ELAVL1: variants seen among roughly 807,000 people sequenced by gnomAD.
The protein encoded by ELAVL1 is ELAV like RNA binding protein 1.
ELAVL1 carries 1 observed loss-of-function variant against 28.4 expected under a neutral mutation model. The observed-to-expected ratio is 0.04, with a 90% CI of 0.01 to 0.17. The LOEUF is 0.17. ELAVL1 is among the 10% of genes least tolerant of loss of function. The pLI, the probability that ELAVL1 is intolerant of heterozygous loss-of-function variation, is 1.00. For missense variants in ELAVL1, 157 were observed against 447.2 expected, an observed-to-expected ratio of 0.35 and a Z score of 5.85; for synonymous variants, 174 against 183.5, an observed-to-expected ratio of 0.95 and a Z score of 0.42.
chr19:7,993,229 A>G (rs564534477), intron 1 of ELAVL1, among the ~76,000 whole-genome samples: 1 of 152,330 alleles, frequency 6.6e-6, no homozygotes, highest in East Asian at 1.9e-4. Flanking sequence ...CTTCGGAGAG[A>G]CCTACAAACA....
At chr19:7,992,933 G>A (rs1168788968) in intron 1 of ELAVL1, among the ~76,000 whole-genome samples, 2 of 152,110 alleles carry the variant, frequency 1.3e-5, no homozygotes, top group Admixed American at 6.5e-5. Flanking sequence ...GTGCCACCAC[G>A]CCCGGCTGAT....
At chr19:7,991,598 G>C (rs989336567) in intron 2 of ELAVL1, 46 bp downstream of exon 2, 65 of 1,569,734 alleles carry the variant, frequency 4.1e-5, no homozygotes, top group Non-Finnish European at 5.0e-5. Flanking sequence ...GTGCCCAAAG[G>C]ATGGCCACCA....
chr19:7,974,966 C>A (rs563404107), intron 3 of ELAVL1, among the ~76,000 whole-genome samples: 1 of 152,128 alleles, frequency 6.6e-6, no homozygotes, highest in African/African-American at 2.4e-5. Flanking sequence ...GACAGCCCCA[C>A]GAGGAGAGGA....
In ELAVL1 at chr19:7,963,424, A is replaced by AAAGTTTC; in HGVS notation, c.*52_*58dup. ...CAAAATGAGTTGTACACTAACAAGAAAAGTTTCAACTCCTTCACTCTTAAT... is the reference window on the plus strand; with the variant it reads ...CAAAATGAGTTGTACACTAACAAGAAAAGTTTCAAGTTTCAACTCCTTCACTCTTAAT... On this transcript the variant is annotated 3_prime_UTR_variant, in exon 6 of 6. Transcript: ENST00000407627. This position sits in a 1 kb window ranked among gnomAD's most constrained non-coding sequence, Gnocchi z 4.5. 2 of 1,537,260 alleles carry AAAGTTTC rather than the reference A, an allele frequency of 1.3e-6. No homozygotes were observed. Among genetic ancestry groups the AAAGTTTC allele is most frequent in the Non-Finnish European group, 1.8e-6 (2 of 1,140,710 alleles).
intron 1 of ELAVL1, among the ~76,000 whole-genome samples, chr19:7,995,133 T>C (rs561399229): frequency 1.3e-5 from 2 of 152,304 alleles, no homozygotes; most frequent in East Asian, 3.9e-4. Flanking sequence ...ACACCATCTG[T>C]GGCCACGAGA....
intron 4 of ELAVL1, among the ~76,000 whole-genome samples, chr19:7,968,063 A>G (rs1322258075): frequency 6.6e-6 from 1 of 152,212 alleles, no homozygotes; most frequent in Admixed American, 6.5e-5. Context: ...CATCCCCAAT[A>G]GACACCCAGG....
chr19:7,963,902 C>CTGA lies in ELAVL1; in HGVS notation c.657-96_657-95insTCA. On this transcript the variant is annotated intron_variant, in intron 5 of 5. Transcript: ENST00000407627. This position sits in a 1 kb window ranked among gnomAD's most constrained non-coding sequence, Gnocchi z 4.5. Reference sequence around the variant, plus strand: ...CGCATGCTGACCATGGCCGCTGGGCCCCATCCCGCTCTGCGCAGCCACGAG... The same window carrying CTGA: ...CGCATGCTGACCATGGCCGCTGGGCCTGACCATCCCGCTCTGCGCAGCCACGAG... 1 of 1,387,418 alleles carries CTGA rather than the reference C, an allele frequency of 7.2e-7. No individual in the cohort carries two copies. Among genetic ancestry groups the CTGA allele is most frequent in the African/African-American group, 1.4e-5 (1 of 69,332 alleles). The allele number at this position is 1,387,418 out of a possible 1,614,324, so 85.9% of individuals were successfully genotyped here. A position where few individuals can be genotyped will look rare whatever the true frequency, so the allele number is the denominator to read the frequency against.
intron 5 of ELAVL1, among the ~76,000 whole-genome samples, chr19:7,966,100 G>A (rs1984949640): frequency 6.6e-6 from 1 of 152,136 alleles, no homozygotes; most frequent in African/African-American, 2.4e-5. Flanking sequence ...GGGAGGCTGA[G>A]GTAGGAGGAT....
chr19:7,967,777 C>T lies in ELAVL1; in HGVS notation c.444G>A (p.Gly148=). The change falls in exon 5 of 6, where the codon GGG becomes GGA. Residue 148 remains glycine (G), a synonymous_variant. Transcript: ENST00000407627. ...LVDQTTGLSR[G]VAFIRFDKRS... is the part of the protein sequence containing the mutation. ...GTTTGTCAAACCGGATAAACGCAAC[C>T]CCTCTGGACAAACCTTTTCAACAAA... 6.2e-7 allele frequency: 1 copy of T among 1,613,588 alleles called. No homozygotes were observed. The highest frequency in any genetic ancestry group is 8.5e-7 in the Non-Finnish European group (1 of 1,179,624).
Position 7,967,887 on chromosome 19 carries a change from C to T in ELAVL1, c.431-97G>A, listed in dbSNP as rs1448509952. 2.2e-6 allele frequency: 3 copies of T among 1,337,526 alleles called. No homozygotes were observed. The African/African-American group carries it at 4.4e-5, about 20-fold the overall frequency. 82.9% of individuals were successfully genotyped at this position (1,337,526 alleles called of 1,614,324 possible). A position where few individuals can be genotyped will look rare whatever the true frequency, so the allele number is the denominator to read the frequency against. ...TCAGGTCAGTCTACTGTGGGCCAGG[C>T]TAGAAGTCTGGTTAAGGAAATAAAC... On this transcript the variant is annotated intron_variant, in intron 4 of 5. Coordinates refer to ENST00000407627, the MANE Select transcript of ELAVL1 (RefSeq NM_001419.3).
At chr19:7,993,393 G>A (rs1359306060) in intron 1 of ELAVL1, among the ~76,000 whole-genome samples, 1 of 152,224 alleles carries the variant, frequency 6.6e-6, no homozygotes, top group African/African-American at 2.4e-5. Flanking sequence ...GGGGCAGGTA[G>A]GCAATGGTCC....
chr19:7,998,384 G>A (rs2081056401), intron 1 of ELAVL1, among the ~76,000 whole-genome samples: 1 of 152,186 alleles, frequency 6.6e-6, no homozygotes, highest in Non-Finnish European at 1.5e-5. Context: ...CACCCATTGA[G>A]GCTCGGCGGT....
rs1380562941 is a variant in ELAVL1 at position 7,960,392 on chromosome 19, C to G, written c.*3091G>C. ...CCTGCGGGCGGGCCCCCGAGGAAGC[C>G]CATGAATTTCAGGATATTCACGCAG... On this transcript the variant is annotated 3_prime_UTR_variant, in exon 6 of 6. Transcript: ENST00000407627. 1 of 152,222 alleles carries G rather than the reference C, an allele frequency of 6.6e-6. No homozygotes were observed. The highest frequency in any genetic ancestry group is 1.5e-5 in the Non-Finnish European group (1 of 68,032). 9.4% of individuals were successfully genotyped at this position (152,222 alleles called of 1,614,324 possible).
intron 2 of ELAVL1, among the ~76,000 whole-genome samples, chr19:7,987,413 G>A (rs1378802038): frequency 1.3e-5 from 2 of 152,194 alleles, no homozygotes; most frequent in Non-Finnish European, 2.9e-5. Context: ...CAGGAAGGCA[G>A]CGGGCAGGAC....
At chr19:7,977,884 T>G (rs1985346932) in intron 3 of ELAVL1, among the ~76,000 whole-genome samples, 1 of 152,260 alleles carries the variant, frequency 6.6e-6, no homozygotes, top group African/African-American at 2.4e-5. Context: ...GCCTGGCCAC[T>G]GGGTCTCCTC....
At chr19:7,985,069 G>A (rs1250202755) in intron 2 of ELAVL1, among the ~76,000 whole-genome samples, 5 of 152,178 alleles carry the variant, frequency 3.3e-5, no homozygotes, top group East Asian at 1.9e-4. Flanking sequence ...AGAGGGGCAC[G>A]CCACCATGCC....
chr19:7,965,117 G>T (rs771707321), intron 5 of ELAVL1, among the ~76,000 whole-genome samples: 83 of 152,348 alleles, frequency 5.4e-4, no homozygotes, highest in Middle Eastern at 3.4e-3. Context: ...TTGAGAGAGG[G>T]TCTCACTATG....
chr19:7,997,585 T>A (rs1248050428), intron 1 of ELAVL1, among the ~76,000 whole-genome samples: 1 of 152,070 alleles, frequency 6.6e-6, no homozygotes, highest in Non-Finnish European at 1.5e-5. Flanking sequence ...CAAACAACTT[T>A]ATCCGTTTGT....
rs1050262049 is a variant in ELAVL1 at position 7,979,959 on chromosome 19, G to A, written c.276+1124C>T. ...CCAGGCCCACCCTGCAGTGACTCAG[G>A]AGGCCCCCCTGTGACCATGGAATCT... On this transcript the variant is annotated intron_variant, in intron 3 of 5. Coordinates refer to ENST00000407627, the MANE Select transcript of ELAVL1 (RefSeq NM_001419.3). This position sits in a 1 kb window ranked among gnomAD's most constrained non-coding sequence, Gnocchi z 5.4. 3.3e-5 allele frequency among the ~76,000 whole-genome samples: 5 copies of A among 152,194 alleles called. No individual in the cohort carries two copies. Among genetic ancestry groups the A allele is most frequent in the African/African-American group, 9.6e-5 (4 of 41,462 alleles).
Sources: gnomAD v4.1 joint callset for allele counts (sites outside exome capture counted in the v4.1 genomes callset) on GRCh38, gnomAD v4.1.1 for gene constraint, Gnocchi (gnomAD v3.1) non-coding constraint, MANE v1.5 for transcripts, NCBI Gene and HGNC (gene_info 2026-07-23, HGNC 2026-07-21) for gene names.